ZBTB10: variants seen among roughly 807,000 people sequenced by gnomAD.
ZBTB10 encodes zinc finger and BTB domain-containing protein 10.
Under a neutral mutation model 76.4 loss-of-function variants are expected in ZBTB10, and 32 were observed. The ratio of observed to expected loss-of-function variants is 0.42; its 90% CI spans 0.32 to 0.56. The LOEUF is 0.56. Ranked by LOEUF, ZBTB10 falls within the 20% of genes least tolerant of loss-of-function variation. The pLI is 0.14. For synonymous variants in ZBTB10, 523 were observed against 432.9 expected (o/e 1.21, Z -2.58); for missense variants, 1,057 against 1,098.5 (o/e 0.96, Z 0.53).
intron 2 of ZBTB10, among the ~76,000 whole-genome samples, chr8:80,503,718 C>T (rs1273636860): frequency 2.0e-5 from 3 of 152,040 alleles, no homozygotes; most frequent in Admixed American, 2.0e-4. Flanking sequence ...GAGGGTTTCA[C>T]TATATGTTGG....
At chr8:80,500,953 G>A (rs991619672) in intron 2 of ZBTB10, among the ~76,000 whole-genome samples, 5 of 152,026 alleles carry the variant, frequency 3.3e-5, no homozygotes, top group Admixed American at 1.3e-4. Context: ...TGCAAACTCC[G>A]CCTCCCAGGT....
intron 2 of ZBTB10, among the ~76,000 whole-genome samples, chr8:80,505,915 A>ATTTTT (rs58176444): frequency 1.5e-5 from 2 of 131,970 alleles, no homozygotes; most frequent in Non-Finnish European, 3.2e-5. Context: ...TGCCTGGCTA[A>ATTTTT]TTTTTTTTTT....
intron 2 of ZBTB10, among the ~76,000 whole-genome samples, chr8:80,510,674 G>GTGTA (rs1816168728): frequency 6.6e-6 from 1 of 150,698 alleles, no homozygotes; most frequent in African/African-American, 2.4e-5. Flanking sequence ...GTGTGTGTGT[G>GTGTA]TGTGTTTTAG....
Position 80,487,139 on chromosome 8 carries a change from C to CG in ZBTB10, c.335dup (p.Leu114ProfsTer26). 1 of 1,485,970 alleles carries CG rather than the reference C, an allele frequency of 6.7e-7. No homozygotes were observed. The highest frequency in any genetic ancestry group is 2.8e-5 in the East Asian group (1 of 36,106). The allele number at this position is 1,485,970 out of a possible 1,614,324, so 92.0% of individuals were successfully genotyped here. A position where few individuals can be genotyped will look rare whatever the true frequency, so the allele number is the denominator to read the frequency against. ...GGCCCCACCTCGCTTGGCGGTGGCG[C>CG]GGGGGGCCCCCTGCTAGCGGAAAGG... On this transcript the variant is annotated frameshift_variant, in exon 1 of 6. Coordinates refer to ENST00000455036, the MANE Select transcript of ZBTB10 (RefSeq NM_001105539.3). LOFTEE classifies it high-confidence loss of function.
In ZBTB10 at chr8:80,487,802, T is replaced by C. The variant is rs372690332; in HGVS notation, c.972+20T>C. On this transcript the variant is annotated intron_variant, in intron 1 of 5. Coordinates refer to ENST00000455036, the MANE Select transcript of ZBTB10 (RefSeq NM_001105539.3). Reference sequence around the variant, plus strand: ...GCCCAGGTACAGTATATCCTGCTCCTACTTTTTTGAGATCTTTTAGGGAAA... The same window carrying C: ...GCCCAGGTACAGTATATCCTGCTCCCACTTTTTTGAGATCTTTTAGGGAAA... The C allele has an allele frequency of 6.5e-7, 1 of 1,529,968 alleles. No homozygotes were observed. The highest frequency in any genetic ancestry group is 8.8e-7 in the Non-Finnish European group (1 of 1,141,670). The allele number at this position is 1,529,968 out of a possible 1,614,324, so 94.8% of individuals were successfully genotyped here. A position where few individuals can be genotyped will look rare whatever the true frequency, so the allele number is the denominator to read the frequency against.
Position 80,519,633 on chromosome 8 carries a change from G to T in ZBTB10, c.*105G>T, listed in dbSNP as rs914310119. 36 of 1,278,280 alleles carry T rather than the reference G, an allele frequency of 2.8e-5. No individual in the cohort carries two copies. Among genetic ancestry groups the T allele is most frequent in the African/African-American group, 2.6e-4 (17 of 66,576 alleles). The allele number at this position is 1,278,280 out of a possible 1,614,324, so 79.2% of individuals were successfully genotyped here. ...TGCAAAATATGGTACATGCTGGATA[G>T]TAGTTATGTTGCTGTGAAAACTGTA... is the stretch of plus-strand genomic sequence containing the variant. On this transcript the variant is annotated 3_prime_UTR_variant, in exon 6 of 6. Coordinates refer to ENST00000455036, the MANE Select transcript of ZBTB10 (RefSeq NM_001105539.3).
At chr8:80,517,686 C>T (rs1159652012) in intron 3 of ZBTB10, among the ~76,000 whole-genome samples, 1 of 151,786 alleles carries the variant, frequency 6.6e-6, no homozygotes, top group Non-Finnish European at 1.5e-5. Context: ...GTCCTGGATT[C>T]GTAATAAGGA....
Position 80,486,815 on chromosome 8 carries a change from C to G in ZBTB10, c.5C>G (p.Ser2Trp), listed in dbSNP as rs1315141186. The G allele has an allele frequency of 3.0e-6, 4 of 1,350,144 alleles. No individual in the cohort carries two copies. The highest frequency in any genetic ancestry group is 3.9e-6 in the Non-Finnish European group (4 of 1,032,108). 83.6% of individuals were successfully genotyped at this position (1,350,144 alleles called of 1,614,324 possible). A position where few individuals can be genotyped will look rare whatever the true frequency, so the allele number is the denominator to read the frequency against. Residue 2 changes from serine (S) to tryptophan (W), a missense_variant, in exon 1 of 6, where the codon TCG becomes TGG. Physicochemically the swap from Ser to Trp is radical, Grantham distance 177 (BLOSUM62 -3). This residue lies in a region of ZBTB10 where 556 missense variants were observed against 451.7 expected (regional missense o/e 1.23). Coordinates refer to ENST00000455036, the MANE Select transcript of ZBTB10 (RefSeq NM_001105539.3). M[S>W]FSEMNRRTLA... ...GCGGCGGCGGCGGCGCGCGCCATGTCGTTCAGTGAAATGAACCGCAGGACG... is the reference window on the plus strand; with the variant it reads ...GCGGCGGCGGCGGCGCGCGCCATGTGGTTCAGTGAAATGAACCGCAGGACG...
intron 1 of ZBTB10, among the ~76,000 whole-genome samples, chr8:80,493,535 G>A (rs1043611774): frequency 6.6e-6 from 1 of 151,596 alleles, no homozygotes; most frequent in Non-Finnish European, 1.5e-5. Context: ...AACCTGAATA[G>A]GCCGGGCGCG....
chr8:80,503,905 G>C (rs1815986455), intron 2 of ZBTB10, among the ~76,000 whole-genome samples: 1 of 152,168 alleles, frequency 6.6e-6, no homozygotes, highest in Non-Finnish European at 1.5e-5. Flanking sequence ...AAAGAGTCCT[G>C]TTTTTGTAGG....
At chr8:80,505,189 AT>A (rs1472065262) in intron 2 of ZBTB10, among the ~76,000 whole-genome samples, 1 of 152,210 alleles carries the variant, frequency 6.6e-6, no homozygotes, top group East Asian at 1.9e-4. Flanking sequence ...GGTTGCCCTA[AT>A]TAAGCTTTTA....
intron 2 of ZBTB10, among the ~76,000 whole-genome samples, chr8:80,513,089 A>C (rs1174976257): frequency 6.6e-6 from 1 of 151,930 alleles, no homozygotes; most frequent in African/African-American, 2.4e-5. Context: ...TCACTGTCTC[A>C]TCTGTTTCAC....
At chr8:80,495,777 T>C (rs1024236667) in intron 1 of ZBTB10, among the ~76,000 whole-genome samples, 1 of 152,234 alleles carries the variant, frequency 6.6e-6, no homozygotes, top group Non-Finnish European at 1.5e-5. Flanking sequence ...ATATTGAACA[T>C]CTAGATAATA....
At chr8:80,515,893 G>T (rs1010181487) in intron 3 of ZBTB10, among the ~76,000 whole-genome samples, 1 of 152,152 alleles carries the variant, frequency 6.6e-6, no homozygotes, top group Non-Finnish European at 1.5e-5. Flanking sequence ...TACAATGACA[G>T]TACCTTTATT....
chr8:80,515,234 A>G (rs1816298084), intron 3 of ZBTB10, among the ~76,000 whole-genome samples: 1 of 152,240 alleles, frequency 6.6e-6, no homozygotes, highest in Non-Finnish European at 1.5e-5. Flanking sequence ...GTATGTGTGT[A>G]CATAAAAACT....
intron 1 of ZBTB10, among the ~76,000 whole-genome samples, chr8:80,493,656 T>TA (rs1260814992): frequency 1.5e-4 from 20 of 137,452 alleles, no homozygotes; most frequent in African/African-American, 2.8e-4. Flanking sequence ...GTCTCTAATT[T>TA]AAAAACAAAA....
At chr8:80,490,292 A>G (rs183792108) in intron 1 of ZBTB10, among the ~76,000 whole-genome samples, 153 of 152,240 alleles carry the variant, frequency 1.0e-3, no homozygotes, top group African/African-American at 3.4e-3. Flanking sequence ...CAGTGACTCT[A>G]TTGCCCAGGC....
Position 80,487,250 on chromosome 8 carries a change from T to G in ZBTB10, c.440T>G (p.Val147Gly), listed in dbSNP as rs1014547399. The G allele has an allele frequency of 6.4e-7, 1 of 1,550,486 alleles. No homozygotes were observed. Among genetic ancestry groups the G allele is most frequent in the Non-Finnish European group, 8.7e-7 (1 of 1,149,596 alleles). ...AGCCGCGGCCGCCCCGAGACCTCGGTGTGGCCCTTGAGGCATTTCAATGGG... is the reference window on the plus strand; with the variant it reads ...AGCCGCGGCCGCCCCGAGACCTCGGGGTGGCCCTTGAGGCATTTCAATGGG... ...GSSRGRPETS[V>G]WPLRHFNGRG... The change falls in exon 1 of 6, where the codon GTG (valine) becomes GGG (glycine). Residue 147 changes from valine (V) to glycine (G), a missense_variant. Around this residue, in one of 5 missense-constraint regions of ZBTB10, gnomAD observed 556 missense variants for 451.7 expected, o/e 1.23. Transcript: ENST00000455036.
At chr8:80,516,954 G>A (rs1231896729) in intron 3 of ZBTB10, among the ~76,000 whole-genome samples, 2 of 152,158 alleles carry the variant, frequency 1.3e-5, no homozygotes, top group African/African-American at 4.8e-5. Context: ...TTGGCAAGGA[G>A]TGTTTTAGGC....
Sources: gnomAD v4.1 joint callset for allele counts (sites outside exome capture counted in the v4.1 genomes callset) on GRCh38, gnomAD v4.1.1 for gene constraint, gnomAD v4.1.1 regional missense constraint, MANE v1.5 for transcripts, NCBI Gene and HGNC (gene_info 2026-07-23, HGNC 2026-07-21) for gene names.